The following UBIAD1 variants were observed in gnomAD, a reference collection of about 807,000 sequenced individuals.
UBIAD1 encodes the protein UbiA prenyltransferase domain containing 1.
Under a neutral mutation model 20.1 loss-of-function variants are expected in UBIAD1, and 12 were observed. The ratio of observed to expected loss-of-function variants is 0.60; its 90% CI spans 0.38 to 0.97. UBIAD1 has a LOEUF of 0.97. Ranked by LOEUF, UBIAD1 falls within the 50% of genes least tolerant of loss-of-function variation. The pLI is 0.00. For synonymous variants in UBIAD1, 207 were observed against 189.2 expected, an observed-to-expected ratio of 1.09 and a Z score of -0.77; for missense variants, 333 against 419.5, an observed-to-expected ratio of 0.79 and a Z score of 1.80.
rs368780769 is a variant in UBIAD1 at position 11,285,793 on chromosome 1, G to T, written c.679G>T (p.Ala227Ser). 4.8e-5 allele frequency: 77 copies of T among 1,614,172 alleles called. No homozygotes were observed. The Admixed American group carries it at 5.0e-4, about 10-fold the overall frequency. ...CATCCCCCTCGCCCTCAGCACCGAG[G>T]CCATTCTCCATTCCAACAACACCAG... ...YAIPLALSTE[A>S]ILHSNNTRDM... is the part of the protein sequence containing the mutation. The change falls in exon 2 of 2, where the codon GCC (alanine) becomes TCC (serine). Residue 227 changes from alanine (A) to serine (S), a missense_variant. Coordinates refer to ENST00000376810, the MANE Select transcript of UBIAD1 (RefSeq NM_013319.3). This position sits in a 1 kb window ranked among gnomAD's most constrained non-coding sequence, Gnocchi z 4.4.
chr1:11,280,268 G>C (rs1160782827), intron 1 of UBIAD1, among the ~76,000 whole-genome samples: 2 of 152,130 alleles, frequency 1.3e-5, no homozygotes, highest in Non-Finnish European at 2.9e-5. Flanking sequence ...CTACTGAAAG[G>C]TCTGTGTGAG....
downstream of UBIAD1, among the ~76,000 whole-genome samples, chr1:11,297,308 C>T (rs1200259528): frequency 6.6e-6 from 1 of 152,164 alleles, no homozygotes; most frequent in African/African-American, 2.4e-5. Context: ...CTGCCTTGCT[C>T]CTTCCTCCAT....
At chr1:11,284,202 A>G (rs727974) in intron 1 of UBIAD1, among the ~76,000 whole-genome samples, 12,829 of 152,096 alleles carry the variant, frequency 0.084, 820 homozygotes, top group African/African-American at 0.17. Context: ...TAGGGGTGAG[A>G]GGAGGTGGTC....
intron 1 of UBIAD1, among the ~76,000 whole-genome samples, chr1:11,275,403 A>G (rs1651982724): frequency 6.6e-6 from 1 of 152,168 alleles, no homozygotes; most frequent in African/African-American, 2.4e-5. Flanking sequence ...AATGGGACAC[A>G]GATTACTATT....
chr1:11,292,665 G>GTATA (rs200370196), downstream of UBIAD1, among the ~76,000 whole-genome samples: 335 of 130,720 alleles, frequency 2.6e-3, 4 homozygotes, highest in South Asian at 0.022. Flanking sequence ...AAGATTTTAT[G>GTATA]TATACACACA....
chr1:11,285,878 C>G lies in UBIAD1; in HGVS notation c.764C>G (p.Thr255Arg). The G allele has an allele frequency of 6.2e-7, 1 of 1,614,208 alleles. No homozygotes were observed. Among genetic ancestry groups the G allele is most frequent in the Non-Finnish European group, 8.5e-7 (1 of 1,180,038 alleles). ...IVTLAILIGP[T>R]FSYILYNTLL... is the part of the protein sequence containing the mutation. ...ACGCTGGCCATCCTCATCGGCCCCA[C>G]GTTCTCCTACATTCTCTACAACACA... Residue 255 changes from threonine (T) to arginine (R), a missense_variant, in exon 2 of 2, where the codon ACG becomes AGG. Around this residue, in one of 3 missense-constraint regions of UBIAD1, gnomAD observed 226 missense variants for 263.5 expected, o/e 0.86. Coordinates refer to ENST00000376810, the MANE Select transcript of UBIAD1 (RefSeq NM_013319.3). The surrounding 1 kb of genome is among the most constrained non-coding windows in gnomAD (Gnocchi z 4.4).
At chr1:11,283,374 G>A (rs1652308393) in intron 1 of UBIAD1, among the ~76,000 whole-genome samples, 1 of 152,100 alleles carries the variant, frequency 6.6e-6, no homozygotes, top group Admixed American at 6.6e-5. Context: ...ATCTTTGCGT[G>A]GGTGTAGTCC....
rs551659155 is a variant in UBIAD1, at chr1:11,273,937, G to C, written c.406G>C (p.Val136Leu). The C allele has an allele frequency of 6.2e-7, 1 of 1,614,238 alleles. No homozygotes were observed. The highest frequency in any genetic ancestry group is 1.1e-5 in the South Asian group (1 of 91,090). Residue 136 changes from valine to leucine, a missense_variant, in exon 1 of 2, where the codon GTC becomes CTC. Physicochemically the swap from Val to Leu is conservative, Grantham distance 32. Coordinates refer to ENST00000376810, the MANE Select transcript of UBIAD1 (RefSeq NM_013319.3). This position sits in a 1 kb window ranked among gnomAD's most constrained non-coding sequence, Gnocchi z 4.9. ...LEPQDVVRFGVFLYTLGCVCA... is the reference protein window; with the variant it reads ...LEPQDVVRFGLFLYTLGCVCA... ...GCCGCAGGATGTCGTCCGGTTCGGA[G>C]TCTTCCTCTACACGTTGGGCTGCGT...
intron 1 of UBIAD1, among the ~76,000 whole-genome samples, chr1:11,283,597 A>G (rs1652315683): frequency 6.6e-6 from 1 of 152,156 alleles, no homozygotes; most frequent in Non-Finnish European, 1.5e-5. Flanking sequence ...GAAGAGTGTC[A>G]GTGGCCATGC....
In UBIAD1 at chr1:11,273,816, C is replaced by T. The variant is rs972579038; in HGVS notation, c.285C>T (p.His95=). Residue 95 remains histidine (H), a synonymous_variant, in exon 1 of 2, where the codon CAC becomes CAT. Coordinates refer to ENST00000376810, the MANE Select transcript of UBIAD1 (RefSeq NM_013319.3). The surrounding 1 kb of genome is among the most constrained non-coding windows in gnomAD (Gnocchi z 4.9). ...VGCAVAVLAV[H]GAGNLVNTYY... is the part of the protein sequence containing the mutation. ...GTGCCGTGGCTGTCCTGGCTGTGCA[C>T]GGGGCCGGTAATTTGGTCAACACTT... The T allele has an allele frequency of 1.2e-6, 2 of 1,614,136 alleles. No homozygotes were observed. The highest frequency in any genetic ancestry group is 8.5e-7 in the Non-Finnish European group (1 of 1,180,028).
chr1:11,286,252 C>T lies in UBIAD1; in HGVS notation c.*121C>T. ...ACTAAGCATGGGTGGGAACTCCTGC[C>T]TTATAAAAATTGTTTTTGTGTTCTT... On this transcript the variant is annotated 3_prime_UTR_variant, in exon 2 of 2. Transcript: ENST00000376810. The T allele has an allele frequency of 3.1e-6, 4 of 1,305,518 alleles. No individual in the cohort carries two copies. The highest frequency in any genetic ancestry group is 2.4e-5 in the East Asian group (1 of 41,210). 80.9% of individuals were successfully genotyped at this position (1,305,518 alleles called of 1,614,324 possible).
chr1:11,289,791 C>T (rs1350174076), downstream of UBIAD1, among the ~76,000 whole-genome samples: 2 of 151,982 alleles, frequency 1.3e-5, no homozygotes, highest in South Asian at 4.2e-4. Context: ...AGTGCAGTGG[C>T]GCAATCTCGG....
At chr1:11,291,159 ATTC>A (rs1189507035), downstream of UBIAD1, among the ~76,000 whole-genome samples, 5 of 152,184 alleles carry the variant, frequency 3.3e-5, no homozygotes, top group Admixed American at 1.3e-4. Context: ...CATCCCTGTC[ATTC>A]TTCTCATGCT....
At chr1:11,295,024 C>T (rs957803462) in exon 2 of UBIAD1, 15 of 703,474 alleles carry the variant, frequency 2.1e-5, no homozygotes, top group East Asian at 1.1e-4. Context: ...CTTCCTGCCT[C>T]GGGGTGGGCA....
chr1:11,289,879 C>T (rs1449357192), downstream of UBIAD1, among the ~76,000 whole-genome samples: 2 of 152,068 alleles, frequency 1.3e-5, no homozygotes, highest in African/African-American at 2.4e-5. Context: ...TACAGGCACC[C>T]GCCACTATGC....
chr1:11,285,592 C>G lies in UBIAD1; in HGVS notation c.530-52C>G. 2 of 1,613,176 alleles carry G rather than the reference C, an allele frequency of 1.2e-6. No individual in the cohort carries two copies. The highest frequency in any genetic ancestry group is 1.7e-6 in the Non-Finnish European group (2 of 1,180,004). On this transcript the variant is annotated intron_variant, in intron 1 of 1. Transcript: ENST00000376810. This position sits in a 1 kb window ranked among gnomAD's most constrained non-coding sequence, Gnocchi z 4.4. The stretch of plus-strand genomic sequence containing the variant: ...CTGCCTCTTCACTGGTGAACAGTCC[C>G]TAAATTTCCAGCCTTGGTCTCACAC...
chr1:11,298,783 C>G (rs1638487617), downstream of UBIAD1, among the ~76,000 whole-genome samples: 1 of 152,012 alleles, frequency 6.6e-6, no homozygotes, highest in Non-Finnish European at 1.5e-5. This position sits in a 1 kb window ranked among gnomAD's most constrained non-coding sequence, Gnocchi z 4.0. Flanking sequence ...TCTAGACAAG[C>G]AGTCTCCATG....
intron 1 of UBIAD1, among the ~76,000 whole-genome samples, chr1:11,278,453 G>A (rs1340701022): frequency 3.9e-5 from 6 of 152,156 alleles, no homozygotes; most frequent in Non-Finnish European, 8.8e-5. Flanking sequence ...CATAATGGGT[G>A]TACATATATT....
Position 11,273,455 on chromosome 1 carries a change from C to T in UBIAD1, c.-77C>T. 1.3e-6 allele frequency: 2 copies of T among 1,578,488 alleles called. No homozygotes were observed. Among genetic ancestry groups the T allele is most frequent in the East Asian group, 2.2e-5 (1 of 44,710 alleles). On this transcript the variant is annotated 5_prime_UTR_variant, in exon 1 of 2. Coordinates refer to ENST00000376810, the MANE Select transcript of UBIAD1 (RefSeq NM_013319.3). This position sits in a 1 kb window ranked among gnomAD's most constrained non-coding sequence, Gnocchi z 4.9. Reference sequence around the variant, plus strand: ...AGGAAGGTCGGGCCCTGCTGCCCCGCCCCGTCCTTCCTCCTTCCCGGGCGG... The same window carrying T: ...AGGAAGGTCGGGCCCTGCTGCCCCGTCCCGTCCTTCCTCCTTCCCGGGCGG...
Sources: allele counts gnomAD v4.1 joint callset (sites outside exome capture counted in the v4.1 genomes callset), GRCh38; gene constraint gnomAD v4.1.1; regional missense constraint gnomAD v4.1.1; non-coding constraint Gnocchi (gnomAD v3.1); transcripts MANE v1.5; gene names NCBI Gene and HGNC (gene_info 2026-07-23, HGNC 2026-07-21).